TRIM50: variants seen among roughly 807,000 people sequenced by gnomAD.
TRIM50 encodes tripartite motif containing 50, also known as E3 ubiquitin-protein ligase TRIM50.
Under a neutral mutation model 44.9 loss-of-function variants are expected in TRIM50, and 34 were observed. That is an observed-to-expected ratio of 0.76 (90% confidence interval 0.58 to 1.01). The LOEUF is 1.01. Among genes scored for constraint, TRIM50 ranks in the 50% least tolerant of loss-of-function variants. TRIM50 has a pLI of 0.00. For missense variants in TRIM50, 633 were observed against 663.7 expected (o/e 0.95, Z 0.51); for synonymous variants, 307 against 291.1 (o/e 1.05, Z -0.56).
chr7:73,323,252 C>T (rs1439468934), intron 2 of TRIM50, among the ~76,000 whole-genome samples: 4 of 152,182 alleles, frequency 2.6e-5, no homozygotes, highest in Non-Finnish European at 4.4e-5. Context: ...AATCCCTTCC[C>T]GGGTCACACT....
intron 2 of TRIM50, among the ~76,000 whole-genome samples, chr7:73,321,150 A>G (rs1410633719): frequency 2.0e-5 from 3 of 152,166 alleles, no homozygotes; most frequent in African/African-American, 7.2e-5. Flanking sequence ...TGGGCAACAC[A>G]GTGAGATCCC....
Position 73,324,775 on chromosome 7 carries a change from C to T in TRIM50, c.13G>A (p.Val5Met), listed in dbSNP as rs1264559873. The change falls in exon 2 of 7, where the codon GTG becomes ATG. Residue 5 changes from valine (V) to methionine (M), a missense_variant. Val to Met is a conservative substitution (Grantham distance 21). Transcript: ENST00000333149. MAWQ[V>M]SLPELEDRLQ... ...CGGTCCTCCAGCTCTGGCAGGCTCA[C>T]CTGCCAAGCCATCCACACTCACTGC... The T allele has an allele frequency of 1.1e-5, 18 of 1,613,924 alleles. No homozygotes were observed. The highest frequency in any genetic ancestry group is 1.4e-5 in the Non-Finnish European group (17 of 1,180,040).
chr7:73,314,481 G>C (rs1586473601), intron 6 of TRIM50: 3 of 395,010 alleles, frequency 7.6e-6, no homozygotes, highest in South Asian at 2.1e-5. Flanking sequence ...GCCAGCAAAG[G>C]GGATGTCCCC....
In TRIM50 at chr7:73,313,674, A is replaced by G. The variant is rs1586472827; in HGVS notation, c.875-164T>C. 7.1e-6 allele frequency among the ~76,000 whole-genome samples: 1 copy of G among 141,300 alleles called. No individual in the cohort carries two copies. The highest frequency in any genetic ancestry group is 2.9e-5 in the African/African-American group (1 of 34,716). 92.7% of individuals were successfully genotyped at this position (141,300 alleles called of 152,430 possible). On this transcript the variant is annotated intron_variant, in intron 6 of 6. Transcript: ENST00000333149. This position sits in a 1 kb window ranked among gnomAD's most constrained non-coding sequence, Gnocchi z 4.9. ...GGGCCAGTACAGGGCTGCTCCCTGAATGAATGAATGAATGAATGAATGAAT... is the reference window on the plus strand; with the variant it reads ...GGGCCAGTACAGGGCTGCTCCCTGAGTGAATGAATGAATGAATGAATGAAT...
rs191356182 is a variant in TRIM50, at chr7:73,320,020, G to T, written c.495+127C>A. Reference sequence around the variant, plus strand: ...ATTTGCGCTTTCCCCACCCCGCCCTGGGAATGCTTTGAGTTCTGGCTTTAT... The same window carrying T: ...ATTTGCGCTTTCCCCACCCCGCCCTTGGAATGCTTTGAGTTCTGGCTTTAT... On this transcript the variant is annotated intron_variant, in intron 3 of 6. Transcript: ENST00000333149. The T allele has an allele frequency of 4.2e-4, 633 of 1,520,132 alleles. 2 individuals carry two copies. The African/African-American group carries it at 7.3e-3, about 17-fold the overall frequency. The allele number at this position is 1,520,132 out of a possible 1,614,324, so 94.2% of individuals were successfully genotyped here.
intron 2 of TRIM50, 100 bp from the exon 3 acceptor site, chr7:73,320,342 C>T (rs1251060004): frequency 2.8e-5 from 43 of 1,562,962 alleles, no homozygotes; most frequent in Non-Finnish European, 3.8e-5. Context: ...ACAAGCACTC[C>T]CAGGGAAACC....
intron 2 of TRIM50, 144 bp from the exon 3 acceptor site, chr7:73,320,386 A>C: frequency 8.7e-7 from 1 of 1,148,872 alleles, no homozygotes; most frequent in Non-Finnish European, 1.3e-6. Context: ...GGTACCCTTG[A>C]GTCCAAAACA....
intron 5 of TRIM50, chr7:73,316,912 G>A (rs1804375401): frequency 1.9e-6 from 1 of 525,900 alleles, no homozygotes; most frequent in Non-Finnish European, 3.0e-6. Context: ...GTGCAGGTTT[G>A]GGGACCAGCA....
chr7:73,319,547 G>A (rs1480279772), intron 3 of TRIM50, among the ~76,000 whole-genome samples: 1 of 152,194 alleles, frequency 6.6e-6, no homozygotes, highest in African/African-American at 2.4e-5. Flanking sequence ...GCTTTGCTGT[G>A]AGGGAGCCAG....
rs782817772 is a variant in TRIM50 at position 73,313,344 on chromosome 7, G to C, written c.1041C>G (p.Gly347=). Residue 347 remains glycine (G), a synonymous_variant, in exon 7 of 7, where the codon GGC becomes GGG. Coordinates refer to ENST00000333149, the MANE Select transcript of TRIM50 (RefSeq NM_178125.3). The surrounding 1 kb of genome is among the most constrained non-coding windows in gnomAD (Gnocchi z 4.9). ...CCACCACCACCTCCCAGTAGTGGCG[G>C]CCGCAGGAGAAGCCGCGGCTGGCCA... ...CVLASRGFSC[G]RHYWEVVVGS... 5.0e-6 allele frequency: 8 copies of C among 1,604,166 alleles called. No homozygotes were observed. The highest frequency in any genetic ancestry group is 1.7e-5 in the Admixed American group (1 of 58,658).
Position 73,324,260 on chromosome 7 carries a change from T to C in TRIM50, c.399+129A>G. 4 of 1,508,220 alleles carry C rather than the reference T, an allele frequency of 2.7e-6. No individual in the cohort carries two copies. The South Asian group carries it at 3.8e-5, about 14-fold the overall frequency. The allele number at this position is 1,508,220 out of a possible 1,614,324, so 93.4% of individuals were successfully genotyped here. Reference sequence around the variant, plus strand: ...TGCAGCTCAAACGCTAAGGAATGAATGCGCCAGGGCACAGCTGCAGGGAAA... The same window carrying C: ...TGCAGCTCAAACGCTAAGGAATGAACGCGCCAGGGCACAGCTGCAGGGAAA... On this transcript the variant is annotated intron_variant, in intron 2 of 6. Transcript: ENST00000333149.
chr7:73,324,654 C>T lies in TRIM50; in HGVS notation c.134G>A (p.Cys45Tyr), dbSNP rs1255819795. The T allele has an allele frequency of 1.8e-5, 29 of 1,614,110 alleles. No individual in the cohort carries two copies. Among genetic ancestry groups the T allele is most frequent in the Non-Finnish European group, 2.5e-5 (29 of 1,180,050 alleles). Residue 45 changes from cysteine to tyrosine, a missense_variant, in exon 2 of 7, where the codon TGC becomes TAC. Coordinates refer to ENST00000333149, the MANE Select transcript of TRIM50 (RefSeq NM_178125.3). ...GCAGCGCAGCTCGGCATCCAGGTGGCAGGACAGGGAAACCAGGCAGCCCTT... is the reference window on the plus strand; with the variant it reads ...GCAGCGCAGCTCGGCATCCAGGTGGTAGGACAGGGAAACCAGGCAGCCCTT... ...YCKGCLVSLS[C>Y]HLDAELRCPV... is the part of the protein sequence containing the mutation.
At position 73,328,061 on chromosome 7, in the gene TRIM50, C is replaced by G; in HGVS notation, c.-180G>C. The G allele has an allele frequency of 1.2e-6, 1 of 817,216 alleles. No individual in the cohort carries two copies. The highest frequency in any genetic ancestry group is 1.7e-5 in the South Asian group (1 of 59,820). The allele number at this position is 817,216 out of a possible 1,614,324, so 50.6% of individuals were successfully genotyped here. A position where few individuals can be genotyped will look rare whatever the true frequency, so the allele number is the denominator to read the frequency against. On this transcript the variant is annotated 5_prime_UTR_variant, in exon 1 of 7. Coordinates refer to ENST00000333149, the MANE Select transcript of TRIM50 (RefSeq NM_178125.3). ...GGTTACATGCCCCGCCTCGCGCTAC[C>G]GCGCGTGCCCCATCATGCTCTGCGC...
At chr7:73,326,703 A>G (rs1804637789) in intron 1 of TRIM50, among the ~76,000 whole-genome samples, 2 of 152,058 alleles carry the variant, frequency 1.3e-5, no homozygotes, top group Non-Finnish European at 2.9e-5. Context: ...GTGTCTGGTT[A>G]CTTTCACTCA....
At chr7:73,326,261 TTTTA>T (rs1175529007) in intron 1 of TRIM50, among the ~76,000 whole-genome samples, 5 of 151,914 alleles carry the variant, frequency 3.3e-5, no homozygotes, top group Non-Finnish European at 7.4e-5. Flanking sequence ...TTTTTTTTCA[TTTTA>T]TTGTTTTATT....
At chr7:73,317,353 CTTTTT>C (rs547252453) in intron 5 of TRIM50, among the ~76,000 whole-genome samples, 1 of 117,972 alleles carries the variant, frequency 8.5e-6, no homozygotes, top group South Asian at 2.8e-4. Context: ...CATGCCAAGA[CTTTTT>C]TTTTTTTTTT....
chr7:73,319,608 G>A (rs1222525818), intron 3 of TRIM50, among the ~76,000 whole-genome samples: 2 of 152,228 alleles, frequency 1.3e-5, no homozygotes, highest in Non-Finnish European at 1.5e-5. Flanking sequence ...GGCTGGTACC[G>A]CCTGCCGCGC....
intron 6 of TRIM50, chr7:73,315,079 AC>A: frequency 3.0e-6 from 1 of 334,996 alleles, no homozygotes; most frequent in Non-Finnish European, 5.8e-6. Flanking sequence ...GGTGGAAGCT[AC>A]CAGGACCAAT....
intron 6 of TRIM50, chr7:73,314,845 CAAA>C (rs781899232): frequency 7.3e-3 from 527 of 71,904 alleles, no homozygotes; most frequent in South Asian, 0.021. Context: ...GACTCTGTCT[CAAA>C]AAAAAAAAAA....
Sources: gnomAD v4.1 joint callset for allele counts (sites outside exome capture counted in the v4.1 genomes callset) on GRCh38, gnomAD v4.1.1 for gene constraint, Gnocchi (gnomAD v3.1) non-coding constraint, MANE v1.5 for transcripts, NCBI Gene and HGNC (gene_info 2026-07-23, HGNC 2026-07-21) for gene names.